Variants in FKBP5 observed in about 807,000 individuals in gnomAD.
FKBP5 encodes peptidyl-prolyl cis-trans isomerase FKBP5.
FKBP5 carries 23 observed loss-of-function variants against 50.5 expected under a neutral mutation model. The ratio of observed to expected loss-of-function variants is 0.46; its 90% CI spans 0.33 to 0.65. The LOEUF (loss-of-function observed/expected upper bound fraction) is 0.65. Among genes scored for constraint, FKBP5 ranks in the 30% least tolerant of loss-of-function variants. FKBP5 has a pLI of 0.02. For synonymous variants in FKBP5, 176 were observed against 190.6 expected, an observed-to-expected ratio of 0.92 and a Z score of 0.63; for missense variants, 411 against 553.1, an observed-to-expected ratio of 0.74 and a Z score of 2.58.
At chr6:35,660,938 C>A (rs1014962092) in intron 1 of FKBP5, among the ~76,000 whole-genome samples, 1 of 82,664 alleles carries the variant, frequency 1.2e-5, no homozygotes, top group African/African-American at 3.8e-5. Context: ...CCCATTTATA[C>A]GAAAGGTTCA....
chr6:35,694,336 TCTCA>T (rs1245433162), intron 2 of FKBP5, among the ~76,000 whole-genome samples: 1 of 151,492 alleles, frequency 6.6e-6, no homozygotes, highest in Non-Finnish European at 1.5e-5. Context: ...TAGCGACAGG[TCTCA>T]CTATTTGCAG....
rs372223245 is a variant in FKBP5 at position 35,603,881 on chromosome 6, T to G, written c.509-6477A>C. 2.6e-5 allele frequency among the ~76,000 whole-genome samples: 4 copies of G among 151,934 alleles called. No individual in the cohort carries two copies. The East Asian group carries it at 7.7e-4, about 29-fold the overall frequency. On this transcript the variant is annotated intron_variant, in intron 5 of 10. Coordinates refer to ENST00000357266, the MANE Select transcript of FKBP5 (RefSeq NM_004117.4). ...CCACCATGCCCAGCTAATTTTTGTGTTTTTAGTAGAGATGGGGTTTCGCCA... is the reference window on the plus strand; with the variant it reads ...CCACCATGCCCAGCTAATTTTTGTGGTTTTAGTAGAGATGGGGTTTCGCCA...
At chr6:35,629,133 C>G (rs991405536) in intron 3 of FKBP5, among the ~76,000 whole-genome samples, 23 of 152,124 alleles carry the variant, frequency 1.5e-4, no homozygotes, top group African/African-American at 5.6e-4. Context: ...GAGTCAGTGT[C>G]TCGCTCTGTC....
intron 8 of FKBP5, chr6:35,586,438 T>G (rs2150956269): frequency 1.0e-6 from 1 of 985,448 alleles, no homozygotes; most frequent in Admixed American, 6.1e-5. Flanking sequence ...CTCTCTCCTT[T>G]TATCATATGC....
At chr6:35,667,706 C>A (rs1284901999) in intron 1 of FKBP5, among the ~76,000 whole-genome samples, 1 of 152,138 alleles carries the variant, frequency 6.6e-6, no homozygotes, top group Non-Finnish European at 1.5e-5. Flanking sequence ...CATGGTGAAA[C>A]CCCATCTCTA....
intron 1 of FKBP5, among the ~76,000 whole-genome samples, chr6:35,722,591 G>A (rs1286234180): frequency 6.6e-6 from 1 of 152,162 alleles, no homozygotes; most frequent in Non-Finnish European, 1.5e-5. Context: ...ATCTCCCCGG[G>A]CTCTCCAACC....
intron 5 of FKBP5, among the ~76,000 whole-genome samples, chr6:35,611,257 AT>A (rs1266783518): frequency 6.6e-6 from 1 of 152,074 alleles, no homozygotes; most frequent in African/African-American, 2.4e-5. Context: ...TCTTTTGAAA[AT>A]CTTTGTTCCC....
intron 1 of FKBP5, among the ~76,000 whole-genome samples, chr6:35,678,030 T>G (rs1765571406): frequency 6.6e-6 from 1 of 152,184 alleles, no homozygotes; most frequent in South Asian, 2.1e-4. Context: ...CATTATAGAC[T>G]CGGGATAACA....
At chr6:35,621,618 CAAAA>C (rs1200934935) in intron 3 of FKBP5, among the ~76,000 whole-genome samples, 4 of 54,024 alleles carry the variant, frequency 7.4e-5, no homozygotes, top group Non-Finnish European at 7.9e-5. Flanking sequence ...ACTCTGTCTC[CAAAA>C]AAAAAAAAAA....
At chr6:35,618,637 A>G (rs1236022890) in intron 5 of FKBP5, among the ~76,000 whole-genome samples, 1 of 152,136 alleles carries the variant, frequency 6.6e-6, no homozygotes, top group Non-Finnish European at 1.5e-5. Flanking sequence ...CGGCCTCCCA[A>G]AGTGCTGGAA....
intron 5 of FKBP5, among the ~76,000 whole-genome samples, chr6:35,605,573 T>A (rs1763288387): frequency 6.6e-6 from 1 of 151,830 alleles, no homozygotes; most frequent in African/African-American, 2.4e-5. Flanking sequence ...ATTTTTTTTA[T>A]TTTTAGTAGA....
At chr6:35,701,276 C>G (rs1331975425) in intron 2 of FKBP5, among the ~76,000 whole-genome samples, 9 of 147,400 alleles carry the variant, frequency 6.1e-5, no homozygotes, top group Non-Finnish European at 1.3e-4. Flanking sequence ...CGGAGTCTCG[C>G]TCTGTCGCCC....
At chr6:35,619,795 C>T (rs960158551) in intron 4 of FKBP5, among the ~76,000 whole-genome samples, 2 of 152,132 alleles carry the variant, frequency 1.3e-5, no homozygotes, top group African/African-American at 4.8e-5. Context: ...GTGACATAGG[C>T]ATATTTCAAC....
chr6:35,695,238 A>G (rs1295448134), intron 2 of FKBP5, among the ~76,000 whole-genome samples: 2 of 152,294 alleles, frequency 1.3e-5, no homozygotes, highest in East Asian at 3.9e-4. Context: ...ATCTCAGCTC[A>G]CTGCAACCTC....
chr6:35,591,272 G>A, intron 6 of FKBP5, 52 bp from the exon 7 acceptor site: 2 of 1,256,180 alleles, frequency 1.6e-6, no homozygotes, highest in Non-Finnish European at 1.2e-6. Flanking sequence ...GTATTTCCAG[G>A]CACTTCCTTC....
chr6:35,589,531 A>AATATAC (rs1443560071), intron 7 of FKBP5, among the ~76,000 whole-genome samples: 2 of 152,194 alleles, frequency 1.3e-5, no homozygotes, highest in African/African-American at 4.8e-5. Flanking sequence ...GCAGTGCATG[A>AATATAC]ATATACTCTT....
chr6:35,700,511 A>G (rs894155788), intron 2 of FKBP5, among the ~76,000 whole-genome samples: 5 of 152,206 alleles, frequency 3.3e-5, no homozygotes, highest in African/African-American at 9.6e-5. Context: ...CCACCTTGGT[A>G]GGCCCCGAAC....
intron 7 of FKBP5, among the ~76,000 whole-genome samples, chr6:35,590,035 C>T (rs533101280): frequency 6.6e-6 from 1 of 152,200 alleles, no homozygotes; most frequent in Non-Finnish European, 1.5e-5. Flanking sequence ...CAGTGGCTCA[C>T]CCCTACAATC....
intron 8 of FKBP5, chr6:35,584,723 G>A: frequency 1.0e-6 from 1 of 985,462 alleles, no homozygotes; most frequent in Non-Finnish European, 1.2e-6. Context: ...TCTCAGGTCA[G>A]TGGTTTTGAA....
Sources: gnomAD v4.1 joint callset for allele counts (sites outside exome capture counted in the v4.1 genomes callset) on GRCh38, gnomAD v4.1.1 for gene constraint, MANE v1.5 for transcripts, NCBI Gene and HGNC (gene_info 2026-07-23, HGNC 2026-07-21) for gene names.